EDIL3: variants seen among roughly 807,000 people sequenced by gnomAD.
EDIL3 encodes EGF like and discoidin domains 3, also known as EGF-like repeat and discoidin I-like domain-containing protein 3.
Under a neutral mutation model 67.4 loss-of-function variants are expected in EDIL3, and 37 were observed. The observed-to-expected ratio is 0.55, with a 90% confidence interval of 0.42 to 0.72. The LOEUF (loss-of-function observed/expected upper bound fraction) is 0.72, where lower values mean the gene tolerates loss of function less well. Ranked by LOEUF, EDIL3 falls within the 30% of genes least tolerant of loss-of-function variation. The pLI is 0.00. For missense variants in EDIL3, 527 were observed against 586.3 expected, an observed-to-expected ratio of 0.90 and a Z score of 1.04; for synonymous variants, 195 against 196.3, an observed-to-expected ratio of 0.99 and a Z score of 0.05.
chr5:84,084,130 A>T lies in EDIL3; in HGVS notation c.652-17524T>A, dbSNP rs142619726. Reference sequence around the variant, plus strand: ...GTTTCAAACACTCCTATATAGCAAGAAATAAATTATTTGAAATTTAGGAGG... The same window carrying T: ...GTTTCAAACACTCCTATATAGCAAGTAATAAATTATTTGAAATTTAGGAGG... On this transcript the variant is annotated intron_variant, in intron 6 of 10. Transcript: ENST00000296591. Among the ~76,000 whole-genome samples the T allele has an allele frequency of 4.8e-3, 732 of 152,332 alleles. 3 individuals are homozygous for T. The highest frequency in any genetic ancestry group is 0.017 in the African/African-American group (707 of 41,592).
intron 9 of EDIL3, among the ~76,000 whole-genome samples, chr5:84,024,131 T>C (rs1561406656): frequency 1.3e-5 from 2 of 152,180 alleles, no homozygotes. Flanking sequence ...TTTGTAAGTA[T>C]ACTTCATTCT....
intron 4 of EDIL3, among the ~76,000 whole-genome samples, chr5:84,139,036 A>T (rs1008196881): frequency 6.6e-6 from 1 of 152,126 alleles, no homozygotes; most frequent in East Asian, 1.9e-4. Context: ...CCAGTAGTTC[A>T]AGACCAGCCT....
chr5:84,315,985 C>A (rs1486883668), intron 1 of EDIL3, among the ~76,000 whole-genome samples: 1 of 152,064 alleles, frequency 6.6e-6, no homozygotes, highest in East Asian at 1.9e-4. Context: ...AATTTTCAAC[C>A]CAGAATTTCA....
chr5:83,992,055 A>G (rs1745159469), intron 9 of EDIL3, among the ~76,000 whole-genome samples: 3 of 152,198 alleles, frequency 2.0e-5, no homozygotes, highest in Admixed American at 2.0e-4. Flanking sequence ...AGTGGTATTC[A>G]AGAATGCCTT....
At chr5:84,097,143 T>C (rs1208371219) in intron 6 of EDIL3, among the ~76,000 whole-genome samples, 1 of 152,166 alleles carries the variant, frequency 6.6e-6, no homozygotes, top group African/African-American at 2.4e-5. Flanking sequence ...TCAATGCACA[T>C]TGAAGTTTGA....
intron 9 of EDIL3, among the ~76,000 whole-genome samples, chr5:83,991,137 T>G (rs373960718): frequency 6.6e-6 from 1 of 152,156 alleles, no homozygotes; most frequent in Non-Finnish European, 1.5e-5. Flanking sequence ...AACATGTATA[T>G]TCTTTGCTTC....
At chr5:84,128,607 C>T (rs192531888) in intron 5 of EDIL3, among the ~76,000 whole-genome samples, 169 of 152,002 alleles carry the variant, frequency 1.1e-3, no homozygotes, top group African/African-American at 3.9e-3. Flanking sequence ...TGGGTTGTCC[C>T]CCTGCTCCTT....
At chr5:84,102,356 C>T (rs571202718) in intron 6 of EDIL3, among the ~76,000 whole-genome samples, 70 of 152,022 alleles carry the variant, frequency 4.6e-4, no homozygotes, top group East Asian at 5.8e-4. Context: ...CCATCCAAAA[C>T]GGGCAGAGAG....
intron 5 of EDIL3, among the ~76,000 whole-genome samples, chr5:84,123,185 T>C (rs941559047): frequency 6.6e-6 from 1 of 152,010 alleles, no homozygotes; most frequent in Non-Finnish European, 1.5e-5. Flanking sequence ...TTATTTTCAA[T>C]GCTAACATCT....
At chr5:84,224,701 T>G (rs1390455226) in intron 3 of EDIL3, among the ~76,000 whole-genome samples, 1 of 151,516 alleles carries the variant, frequency 6.6e-6, no homozygotes, top group African/African-American at 2.4e-5. Flanking sequence ...TCTTCATATT[T>G]GCAAAGCTTT....
intron 9 of EDIL3, among the ~76,000 whole-genome samples, chr5:83,993,515 T>G (rs893167988): frequency 6.6e-6 from 1 of 152,226 alleles, no homozygotes; most frequent in African/African-American, 2.4e-5. Context: ...TCCATTAAAA[T>G]AAGAAGCCCT....
chr5:84,137,463 G>T (rs1748114240), intron 4 of EDIL3, 109 bp from the exon 5 acceptor site: 1 of 916,854 alleles, frequency 1.1e-6, no homozygotes, highest in African/African-American at 1.7e-5. Context: ...CTATTCCTTT[G>T]TGTGTGTGTA....
At chr5:84,003,726 G>C (rs1302614755) in intron 9 of EDIL3, among the ~76,000 whole-genome samples, 1 of 151,956 alleles carries the variant, frequency 6.6e-6, no homozygotes, top group Non-Finnish European at 1.5e-5. Flanking sequence ...AATATACTTA[G>C]GTACATAGAC....
intron 9 of EDIL3, among the ~76,000 whole-genome samples, chr5:84,008,803 T>G (rs1745469379): frequency 6.6e-6 from 1 of 151,970 alleles, no homozygotes; most frequent in Admixed American, 6.6e-5. Context: ...GATTTTTGTT[T>G]TGTTTTGTTT....
intron 1 of EDIL3, among the ~76,000 whole-genome samples, chr5:84,352,439 C>T (rs1208456125): frequency 6.6e-6 from 1 of 152,102 alleles, no homozygotes. Flanking sequence ...AGGTTACACA[C>T]ACACACACCA....
At chr5:84,271,791 A>C (rs1029543467) in intron 1 of EDIL3, among the ~76,000 whole-genome samples, 3 of 152,186 alleles carry the variant, frequency 2.0e-5, no homozygotes, top group Non-Finnish European at 4.4e-5. Flanking sequence ...GGTGTGATAA[A>C]ATCTAAAAGC....
chr5:84,106,130 T>C (rs910263583), intron 6 of EDIL3, among the ~76,000 whole-genome samples: 3 of 152,096 alleles, frequency 2.0e-5, no homozygotes, highest in African/African-American at 7.2e-5. Flanking sequence ...TTTCAGTATA[T>C]TGTTGTTTTC....
chr5:84,191,603 A>G (rs551378391), intron 3 of EDIL3, among the ~76,000 whole-genome samples: 19 of 152,196 alleles, frequency 1.2e-4, no homozygotes, highest in African/African-American at 4.6e-4. Context: ...AATTCTGTTA[A>G]GTGAGCATTA....
At chr5:84,305,127 TA>T (rs1246688746) in intron 1 of EDIL3, among the ~76,000 whole-genome samples, 3 of 152,154 alleles carry the variant, frequency 2.0e-5, no homozygotes, top group Non-Finnish European at 4.4e-5. Context: ...CAGCCAAAGA[TA>T]AAAATAAATC....
Sources: allele counts gnomAD v4.1 joint callset (sites outside exome capture counted in the v4.1 genomes callset), GRCh38; gene constraint gnomAD v4.1.1; transcripts MANE v1.5; gene names NCBI Gene and HGNC (gene_info 2026-07-23, HGNC 2026-07-21).